Variants in THRB observed in about 807,000 individuals in gnomAD.
The protein encoded by THRB is nuclear receptor subfamily 1 group A member 2.
In THRB, 12 loss-of-function variants were observed where a neutral mutation model predicts 47.8. The observed-to-expected ratio is 0.25, with a 90% confidence interval of 0.16 to 0.41. The LOEUF (loss-of-function observed/expected upper bound fraction) is 0.41. THRB is among the 10% of genes least tolerant of loss of function. The pLI, the probability that THRB is intolerant of heterozygous loss-of-function variation, is 1.00. For synonymous variants in THRB, 218 were observed against 212.2 expected, an observed-to-expected ratio of 1.03 and a Z score of -0.24; for missense variants, 348 against 589.2, an observed-to-expected ratio of 0.59 and a Z score of 4.24.
intron 3 of THRB, among the ~76,000 whole-genome samples, chr3:24,257,937 A>C (rs1342826880): frequency 6.6e-6 from 1 of 152,234 alleles, no homozygotes; most frequent in Non-Finnish European, 1.5e-5. Context: ...GGCACCTCAC[A>C]CTTGGAGCAA....
chr3:24,151,255 A>G (rs1046119992), intron 6 of THRB, among the ~76,000 whole-genome samples: 1 of 152,212 alleles, frequency 6.6e-6, no homozygotes, highest in African/African-American at 2.4e-5. Flanking sequence ...GTACAAAAAC[A>G]TAGGGAATTT....
chr3:24,199,014 T>G (rs1017670516), intron 4 of THRB, among the ~76,000 whole-genome samples: 3 of 152,178 alleles, frequency 2.0e-5, no homozygotes, highest in African/African-American at 7.2e-5. Flanking sequence ...TAGCTCAGAT[T>G]TATGGAGCAT....
At chr3:24,179,758 G>A (rs1306193420) in intron 5 of THRB, among the ~76,000 whole-genome samples, 1 of 152,060 alleles carries the variant, frequency 6.6e-6, no homozygotes, top group East Asian at 1.9e-4. Flanking sequence ...TTAAAAAAGG[G>A]GGTCAGATTG....
chr3:24,402,035 C>T lies in THRB; in HGVS notation c.-260-64664G>A, dbSNP rs537208129. Among the ~76,000 whole-genome samples the T allele has an allele frequency of 1.5e-4, 23 of 152,086 alleles. No homozygotes were observed. In the South Asian group the frequency reaches 4.6e-3, roughly 30 times the overall value. On this transcript the variant is annotated intron_variant, in intron 1 of 10. Transcript: ENST00000646209. ...GCTGCCAAAGCCAAGGAAAAGAAAG[C>T]AAAGTCTGAGGCAGATTAAGCCAAG...
At chr3:24,446,310 T>A (rs1193687464) in intron 1 of THRB, among the ~76,000 whole-genome samples, 2 of 152,102 alleles carry the variant, frequency 1.3e-5, no homozygotes, top group Admixed American at 1.3e-4. Context: ...CCAGAAGCCA[T>A]CTCTCTATCA....
At chr3:24,349,261 A>G (rs1038415646) in intron 1 of THRB, among the ~76,000 whole-genome samples, 3 of 152,244 alleles carry the variant, frequency 2.0e-5, no homozygotes, top group Middle Eastern at 6.8e-3. Flanking sequence ...TAAAATGTCA[A>G]TTCTCCCTAA....
At chr3:24,373,397 T>C (rs760952759) in intron 1 of THRB, among the ~76,000 whole-genome samples, 9 of 152,120 alleles carry the variant, frequency 5.9e-5, no homozygotes, top group African/African-American at 1.7e-4. Context: ...CAGTACCATG[T>C]AGATTTTTCT....
In THRB at chr3:24,372,861, G is replaced by C. The variant is rs571432949; in HGVS notation, c.-260-35490C>G. 2.0e-4 allele frequency among the ~76,000 whole-genome samples: 31 copies of C among 152,234 alleles called. No homozygotes were observed. In the South Asian group the frequency reaches 4.8e-3, roughly 23 times the overall value. On this transcript the variant is annotated intron_variant, in intron 1 of 10. Transcript: ENST00000646209. ...TAAAAAACAAAGACTTCTGAAAAATGTGGCAGAGTTCAGAACACCTATGAG... is the reference window on the plus strand; with the variant it reads ...TAAAAAACAAAGACTTCTGAAAAATCTGGCAGAGTTCAGAACACCTATGAG...
chr3:24,271,973 T>C (rs915467637), intron 3 of THRB, among the ~76,000 whole-genome samples: 8 of 152,190 alleles, frequency 5.3e-5, no homozygotes, highest in African/African-American at 1.9e-4. Flanking sequence ...TGGGTTATTA[T>C]GTTTAGAAGA....
At chr3:24,409,581 C>T (rs1360388800) in intron 1 of THRB, among the ~76,000 whole-genome samples, 4 of 151,686 alleles carry the variant, frequency 2.6e-5, no homozygotes, top group Non-Finnish European at 4.4e-5. Context: ...CTAGTGTATG[C>T]CATATGGCCA....
At chr3:24,301,495 C>G (rs17787319) in intron 2 of THRB, among the ~76,000 whole-genome samples, 19,292 of 152,132 alleles carry the variant, frequency 0.13, 1,332 homozygotes, top group South Asian at 0.22. Context: ...AGACACCTAT[C>G]TAGCCTGTAT....
intron 2 of THRB, among the ~76,000 whole-genome samples, chr3:24,306,783 C>T (rs994303971): frequency 1.3e-5 from 2 of 152,148 alleles, no homozygotes; most frequent in Admixed American, 6.6e-5. Context: ...TAACCACGTA[C>T]GGTTGGAGTT....
At chr3:24,286,482 A>G (rs899457154) in intron 3 of THRB, among the ~76,000 whole-genome samples, 1 of 152,158 alleles carries the variant, frequency 6.6e-6, no homozygotes, top group African/African-American at 2.4e-5. Flanking sequence ...TTTTGTACAT[A>G]AGAGACTTAA....
At chr3:24,442,732 G>A (rs1003398055) in intron 1 of THRB, among the ~76,000 whole-genome samples, 3 of 151,864 alleles carry the variant, frequency 2.0e-5, no homozygotes, top group Non-Finnish European at 2.9e-5. Context: ...GCTGACGCAG[G>A]AGAATTGCTT....
At chr3:24,233,058 C>T (rs1196560210) in intron 3 of THRB, among the ~76,000 whole-genome samples, 1 of 152,150 alleles carries the variant, frequency 6.6e-6, no homozygotes, top group African/African-American at 2.4e-5. Context: ...CAGCCCAGTG[C>T]TGTGTCCCTT....
chr3:24,373,659 A>G (rs1217562061), intron 1 of THRB, among the ~76,000 whole-genome samples: 1 of 152,118 alleles, frequency 6.6e-6, no homozygotes, highest in East Asian at 1.9e-4. Context: ...TGCATTCCAC[A>G]TGAAAGGCTG....
At chr3:24,393,750 A>G (rs1357643223) in intron 1 of THRB, among the ~76,000 whole-genome samples, 1 of 152,182 alleles carries the variant, frequency 6.6e-6, no homozygotes, top group Non-Finnish European at 1.5e-5. Flanking sequence ...CCAAAAGGTG[A>G]GGTCCTATCC....
intron 1 of THRB, among the ~76,000 whole-genome samples, chr3:24,382,097 A>G (rs1042528256): frequency 2.0e-5 from 3 of 152,098 alleles, no homozygotes; most frequent in Non-Finnish European, 4.4e-5. Context: ...ATCATAAAAG[A>G]CATTACAAAG....
chr3:24,272,160 A>G (rs1184505072), intron 3 of THRB, among the ~76,000 whole-genome samples: 1 of 152,122 alleles, frequency 6.6e-6, no homozygotes, highest in African/African-American at 2.4e-5. Context: ...TGGGCAACAC[A>G]GCGAGATCTC....
Sources: allele counts gnomAD v4.1 joint callset (sites outside exome capture counted in the v4.1 genomes callset), GRCh38; gene constraint gnomAD v4.1.1; transcripts MANE v1.5; gene names NCBI Gene and HGNC (gene_info 2026-07-23, HGNC 2026-07-21).